The following APBA1 variants were observed in gnomAD, a reference collection of about 807,000 sequenced individuals.
APBA1 encodes the protein amyloid-beta A4 precursor protein-binding family A member 1.
A neutral mutation model predicts 86.6 loss-of-function variants in APBA1; 55 were observed. The ratio of observed to expected loss-of-function variants is 0.64; its 90% confidence interval spans 0.51 to 0.80. APBA1 has a LOEUF of 0.80. Ranked by LOEUF, APBA1 falls within the 30% of genes least tolerant of loss-of-function variation. The pLI is 0.00. For missense variants in APBA1, 1,090 were observed against 1,183.0 expected (o/e 0.92, Z 1.15); for synonymous variants, 511 against 493.9 (o/e 1.03, Z -0.46).
intron 1 of APBA1, among the ~76,000 whole-genome samples, chr9:69,642,756 CTATAA>C (rs1823313849): frequency 6.6e-6 from 1 of 151,672 alleles, no homozygotes; most frequent in Non-Finnish European, 1.5e-5. Flanking sequence ...AGATTGCCCA[CTATAA>C]TATAAGTGGG....
At chr9:69,433,256 C>G (rs1286736532) in intron 11 of APBA1, among the ~76,000 whole-genome samples, 3 of 152,232 alleles carry the variant, frequency 2.0e-5, no homozygotes, top group Non-Finnish European at 4.4e-5. Flanking sequence ...TGTGATGGCA[C>G]AGCCAGGTAC....
At chr9:69,502,835 C>T (rs1266096255) in intron 2 of APBA1, among the ~76,000 whole-genome samples, 1 of 152,166 alleles carries the variant, frequency 6.6e-6, no homozygotes, top group Admixed American at 6.5e-5. Context: ...CTATCCTTCC[C>T]ACAAATGTTC....
rs55751456 is a variant in APBA1, at chr9:69,656,839, C to CTTT, written c.-70+15311_-70+15313dup. Among the ~76,000 whole-genome samples, 570 of 134,704 alleles carry CTTT rather than the reference C, an allele frequency of 4.2e-3. 4 individuals are homozygous for CTTT. Among genetic ancestry groups the CTTT allele is most frequent in the African/African-American group, 0.015 (530 of 36,376 alleles). 88.4% of individuals were successfully genotyped at this position (134,704 alleles called of 152,430 possible). A position where few individuals can be genotyped will look rare whatever the true frequency, so the allele number is the denominator to read the frequency against. ...CACCACTTAAGAATAACCGGGAGAT[C>CTTT]TTTTTTTTTTTTTTTTTGAGACGGA... On this transcript the variant is annotated intron_variant, in intron 1 of 12. Transcript: ENST00000265381.
At chr9:69,510,271 C>G (rs1299239541) in intron 2 of APBA1, among the ~76,000 whole-genome samples, 1 of 151,964 alleles carries the variant, frequency 6.6e-6, no homozygotes, top group Non-Finnish European at 1.5e-5. Context: ...TTCTTATACA[C>G]CAATAACAGA....
At chr9:69,657,384 G>GT (rs1823633948) in intron 1 of APBA1, among the ~76,000 whole-genome samples, 1 of 152,196 alleles carries the variant, frequency 6.6e-6, no homozygotes, top group Non-Finnish European at 1.5e-5. Context: ...TTAGGTTTCT[G>GT]TTTACTATTC....
chr9:69,586,715 T>C (rs907877374), intron 1 of APBA1, among the ~76,000 whole-genome samples: 3 of 152,336 alleles, frequency 2.0e-5, no homozygotes, highest in Non-Finnish European at 2.9e-5. Context: ...TGCTTCCAGA[T>C]CATCCTCTCC....
Position 69,449,946 on chromosome 9 carries a change from C to T in APBA1, c.1969-150G>A, listed in dbSNP as rs141447961. 8.8e-3 allele frequency: 5,676 copies of T among 645,576 alleles called. 45 individuals carry two copies. The highest frequency in any genetic ancestry group is 0.016 in the Middle Eastern group (36 of 2,320). 40.0% of individuals were successfully genotyped at this position (645,576 alleles called of 1,614,324 possible). On this transcript the variant is annotated intron_variant, in intron 9 of 12. Transcript: ENST00000265381. ...ATGAGTTCCTGTCTTCTCAGCATTC[C>T]GCATATTTGGAGTTTTTAAGAAATG...
chr9:69,581,233 T>G (rs1430117305), intron 1 of APBA1, among the ~76,000 whole-genome samples: 1 of 152,236 alleles, frequency 6.6e-6, no homozygotes, highest in African/African-American at 2.4e-5. Context: ...TGCCCTGCAA[T>G]TTCTTCACCT....
intron 4 of APBA1, among the ~76,000 whole-genome samples, chr9:69,470,494 C>T (rs1835350064): frequency 6.6e-6 from 1 of 152,182 alleles, no homozygotes; most frequent in African/African-American, 2.4e-5. Context: ...TCCCAGAATG[C>T]TCTCACAGAA....
intron 1 of APBA1, among the ~76,000 whole-genome samples, chr9:69,622,160 T>C (rs1822832511): frequency 6.6e-6 from 1 of 152,252 alleles, no homozygotes; most frequent in Admixed American, 6.5e-5. Context: ...ATGTGAGATC[T>C]ATGGATTAAA....
intron 1 of APBA1, among the ~76,000 whole-genome samples, chr9:69,559,946 T>C (rs1298334166): frequency 6.6e-6 from 1 of 152,156 alleles, no homozygotes; most frequent in East Asian, 1.9e-4. Context: ...ACTAGAGTAG[T>C]TTTGGCCCCC....
chr9:69,554,575 G>A (rs12000908), intron 1 of APBA1, among the ~76,000 whole-genome samples: 9,993 of 152,046 alleles, frequency 0.066, 424 homozygotes, highest in African/African-American at 0.11. Flanking sequence ...AGTTTCCAGC[G>A]GCACACAAGG....
chr9:69,655,359 C>T (rs1307256792), intron 1 of APBA1, among the ~76,000 whole-genome samples: 3 of 151,872 alleles, frequency 2.0e-5, no homozygotes, highest in African/African-American at 7.3e-5. Context: ...TCCCCAAAAA[C>T]TATTAGAATG....
chr9:69,439,950 G>C (rs1265836012), intron 11 of APBA1, among the ~76,000 whole-genome samples: 3 of 152,198 alleles, frequency 2.0e-5, no homozygotes, highest in African/African-American at 4.8e-5. Flanking sequence ...CTGACGTACA[G>C]ATGGGTTTTT....
At chr9:69,658,284 C>CTTTTTTCTTTCTTTCTTTCTTTCTT (rs370230255) in intron 1 of APBA1, among the ~76,000 whole-genome samples, 3 of 75,482 alleles carry the variant, frequency 4.0e-5, no homozygotes, top group Non-Finnish European at 8.8e-5. Context: ...TTCTTTCTTT[C>CTTTTTTCTTTCTTTCTTTCTTTCTT]TCTCTCTCTT....
rs532388097 is a variant in APBA1 at position 69,536,853 on chromosome 9, C to A, written c.-69-19574G>T. Among the ~76,000 whole-genome samples, 134 of 151,066 alleles carry A rather than the reference C, an allele frequency of 8.9e-4. 1 individual carries two copies. The highest frequency in any genetic ancestry group is 1.4e-3 in the Non-Finnish European group (98 of 67,738). On this transcript the variant is annotated intron_variant, in intron 1 of 12. Transcript: ENST00000265381. ...TGAGATCGTGCCACTGCACTCCAGT[C>A]TGGGTGACAGAGCAAGACTCTGTCT...
chr9:69,517,449 A>C (rs887940897), intron 1 of APBA1, among the ~76,000 whole-genome samples, 170 bp from the exon 2 acceptor site: 10 of 152,222 alleles, frequency 6.6e-5, no homozygotes, highest in African/African-American at 2.4e-4. Flanking sequence ...AGCACGCATC[A>C]TAATTTGTAA....
chr9:69,505,587 C>T (rs1835946199), intron 2 of APBA1, among the ~76,000 whole-genome samples: 1 of 152,126 alleles, frequency 6.6e-6, no homozygotes, highest in Non-Finnish European at 1.5e-5. Context: ...AAGCTGTACA[C>T]CACACCACTT....
intron 1 of APBA1, among the ~76,000 whole-genome samples, chr9:69,595,832 T>C (rs1158884306): frequency 6.6e-6 from 1 of 152,146 alleles, no homozygotes; most frequent in African/African-American, 2.4e-5. Flanking sequence ...TGAAGAGACC[T>C]TCAGGTCAGG....
Sources: gnomAD v4.1 joint callset for allele counts (sites outside exome capture counted in the v4.1 genomes callset) on GRCh38, gnomAD v4.1.1 for gene constraint, MANE v1.5 for transcripts, NCBI Gene and HGNC (gene_info 2026-07-23, HGNC 2026-07-21) for gene names.